ALS2: variants seen among roughly 807,000 people sequenced by gnomAD.
ALS2 encodes the protein alsin.
A neutral mutation model predicts 203.4 loss-of-function variants in ALS2; 117 were observed. The observed-to-expected ratio is 0.58, with a 90% CI of 0.50 to 0.67. The LOEUF (loss-of-function observed/expected upper bound fraction) is 0.67, where lower values mean the gene tolerates loss of function less well. Ranked by LOEUF, ALS2 falls within the 30% of genes least tolerant of loss-of-function variation. The probability of loss-of-function intolerance (pLI) is 0.00; values close to 1 mark genes in which losing one functional copy is unlikely to be tolerated. For missense variants in ALS2, 1,715 were observed against 1,989.4 expected, an observed-to-expected ratio of 0.86 and a Z score of 2.62; for synonymous variants, 718 against 725.9, an observed-to-expected ratio of 0.99 and a Z score of 0.17.
Position 201,749,729 on chromosome 2 carries a change from C to A in ALS2, c.1798G>T (p.Val600Phe). 6.2e-7 allele frequency: 1 copy of A among 1,614,042 alleles called. No individual in the cohort carries two copies. The highest frequency in any genetic ancestry group is 8.5e-7 in the Non-Finnish European group (1 of 1,179,938). The change falls in exon 8 of 34, where the codon GTT becomes TTT. Residue 600 changes from valine to phenylalanine, a missense_variant. Transcript: ENST00000264276. ...QLGHSDFPTT[V>F]PRLAKISSEN... is the part of the protein sequence containing the mutation. Reference sequence around the variant, plus strand: ...AAAAGTACCTTTGCAAGACGAGGAACTGTTGTTGGAAAATCGGAATGCCCA... The same window carrying A: ...AAAAGTACCTTTGCAAGACGAGGAAATGTTGTTGGAAAATCGGAATGCCCA...
In ALS2 at chr2:201,701,087, T is replaced by C. The variant is rs74933581; in HGVS notation, c.*764A>G. 6.5e-6 allele frequency: 1 copy of C among 152,730 alleles called. No individual in the cohort carries two copies. Among genetic ancestry groups the C allele is most frequent in the African/African-American group, 2.4e-5 (1 of 41,552 alleles). The allele number at this position is 152,730 out of a possible 1,614,324, so 9.5% of individuals were successfully genotyped here. On this transcript the variant is annotated 3_prime_UTR_variant, in exon 34 of 34. Transcript: ENST00000264276. Reference sequence around the variant, plus strand: ...AATACAGCGTTTGCACATGGACAAATGAGGTTCCTAGCAGCTCAGAGTCGG... The same window carrying C: ...AATACAGCGTTTGCACATGGACAAACGAGGTTCCTAGCAGCTCAGAGTCGG...
In ALS2 at chr2:201,760,262, A is replaced by C. The variant is rs951423024; in HGVS notation, c.1113+619T>G. On this transcript the variant is annotated intron_variant, in intron 4 of 33. Transcript: ENST00000264276. Reference sequence around the variant, plus strand: ...GGAGATCGAGGCTGCAGTGAGCCACAATCGCATTACTGCACTCCAGCCTGG... The same window carrying C: ...GGAGATCGAGGCTGCAGTGAGCCACCATCGCATTACTGCACTCCAGCCTGG... 1.6e-5 allele frequency: 14 copies of C among 876,728 alleles called. No homozygotes were observed. In the African/African-American group the frequency reaches 2.2e-4, roughly 14 times the overall value. 54.3% of individuals were successfully genotyped at this position (876,728 alleles called of 1,614,324 possible).
intron 8 of ALS2, 70 bp downstream of exon 8, chr2:201,749,642 G>A: frequency 1.5e-6 from 2 of 1,341,434 alleles, no homozygotes; most frequent in Non-Finnish European, 2.1e-6. Context: ...TTTAAAATAA[G>A]AAATGGAGAA....
chr2:201,740,042 TC>T (rs1692165513), intron 11 of ALS2, among the ~76,000 whole-genome samples: 1 of 152,152 alleles, frequency 6.6e-6, no homozygotes, highest in Non-Finnish European at 1.5e-5. Flanking sequence ...AAAATAATTT[TC>T]GCCAGGCACA....
rs754928761 is a variant in ALS2 at position 201,754,688 on chromosome 2, C to T, written c.1472-17G>A. The T allele has an allele frequency of 7.4e-6, 12 of 1,613,870 alleles. No homozygotes were observed. Among genetic ancestry groups the T allele is most frequent in the African/African-American group, 4.0e-5 (3 of 74,914 alleles). On this transcript the variant is annotated splice_polypyrimidine_tract_variant and intron_variant, in intron 5 of 33. Coordinates refer to ENST00000264276, the MANE Select transcript of ALS2 (RefSeq NM_020919.4). ...TGGGGGAAACTGAAAACCAACCAGA[C>T]GTGGGGTGAAGGAGTGGGAGTCCAG...
intron 9 of ALS2, among the ~76,000 whole-genome samples, chr2:201,744,880 CTATA>C (rs1272088984): frequency 1.3e-5 from 2 of 152,084 alleles, no homozygotes; most frequent in Non-Finnish European, 2.9e-5. Flanking sequence ...GATCTCTATG[CTATA>C]TATTAAAATA....
At chr2:201,738,302 A>G (rs747108254) in intron 12 of ALS2, among the ~76,000 whole-genome samples, 5 of 152,156 alleles carry the variant, frequency 3.3e-5, no homozygotes, top group Non-Finnish European at 7.3e-5. Context: ...ATCTGCGCAA[A>G]CACTTTTTTC....
chr2:201,762,153 T>C (rs1014674473), intron 3 of ALS2, among the ~76,000 whole-genome samples: 15 of 152,120 alleles, frequency 9.9e-5, no homozygotes, highest in African/African-American at 3.6e-4. Context: ...ATTCCAAGTG[T>C]TCAAAGGCAA....
At chr2:201,763,914 A>G (rs1416550797) in intron 3 of ALS2, among the ~76,000 whole-genome samples, 2 of 152,024 alleles carry the variant, frequency 1.3e-5, no homozygotes, top group Non-Finnish European at 2.9e-5. Flanking sequence ...ATATGACCAG[A>G]GATTTATGAT....
chr2:201,771,831 G>T (rs552709384), intron 1 of ALS2, among the ~76,000 whole-genome samples: 2 of 152,338 alleles, frequency 1.3e-5, no homozygotes, highest in East Asian at 3.9e-4. Flanking sequence ...AAGAGGGCAA[G>T]ATCCTTGTAC....
intron 7 of ALS2, 91 bp from the exon 8 acceptor site, chr2:201,749,880 C>T (rs1692925187): frequency 1.1e-6 from 1 of 908,550 alleles, no homozygotes; most frequent in Non-Finnish European, 1.8e-6. Context: ...CATATATACA[C>T]AAATACCAAC....
intron 13 of ALS2, 35 bp from the exon 14 acceptor site, chr2:201,729,218 A>G: frequency 3.1e-6 from 5 of 1,602,636 alleles, no homozygotes; most frequent in Non-Finnish European, 4.3e-6. Flanking sequence ...AAAAAAAAAA[A>G]AGAACATAAA....
chr2:201,727,851 G>A, intron 15 of ALS2, 76 bp from the exon 16 acceptor site: 5 of 1,351,716 alleles, frequency 3.7e-6, no homozygotes, highest in Non-Finnish European at 5.2e-6. Context: ...TCCCCTTCAT[G>A]TCATTAACCC....
chr2:201,706,140 C>T (rs970013236), intron 29 of ALS2, among the ~76,000 whole-genome samples: 3 of 151,900 alleles, frequency 2.0e-5, no homozygotes, highest in Non-Finnish European at 2.9e-5. Flanking sequence ...AATCCCAGCA[C>T]GTTGGGAGGC....
intron 3 of ALS2, among the ~76,000 whole-genome samples, chr2:201,766,691 C>T (rs1694101597): frequency 7.7e-6 from 1 of 129,384 alleles, no homozygotes; most frequent in South Asian, 2.5e-4. Flanking sequence ...TGGAACCAAC[C>T]TACATGTCCA....
rs567095261 is a variant in ALS2, at chr2:201,704,053, G to T, written c.4935+69C>A. 4 of 1,378,020 alleles carry T rather than the reference G, an allele frequency of 2.9e-6. No homozygotes were observed. The South Asian group carries it at 3.7e-5, about 13-fold the overall frequency. The allele number at this position is 1,378,020 out of a possible 1,614,324, so 85.4% of individuals were successfully genotyped here. ...TTTTATACAAAAAAAGTGGTTAATG[G>T]CATTTATAATATGGTAAATGAAAGA... On this transcript the variant is annotated intron_variant, in intron 33 of 33. Coordinates refer to ENST00000264276, the MANE Select transcript of ALS2 (RefSeq NM_020919.4).
chr2:201,711,840 C>A (rs1326049046), intron 25 of ALS2, among the ~76,000 whole-genome samples: 2 of 118,126 alleles, frequency 1.7e-5, no homozygotes, highest in South Asian at 3.5e-4. Flanking sequence ...AGAGTTCATT[C>A]ATTTTCACTT....
In ALS2 at chr2:201,707,946, G is replaced by A. The variant is rs894178402; in HGVS notation, c.4326C>T (p.Leu1442=). The A allele has an allele frequency of 1.9e-6, 3 of 1,613,336 alleles. No homozygotes were observed. The highest frequency in any genetic ancestry group is 1.3e-5 in the African/African-American group (1 of 74,884). ...TCCTTTCGGTTGGCAGAGGAGCAGA[G>A]AGAGGAATTGTGCTGCCTTCTTCAG... ...ELPEEGSTIP[L]SAPLPTERKS... Residue 1442 remains leucine (L), a synonymous_variant, in exon 28 of 34, where the codon CTC becomes CTT. Coordinates refer to ENST00000264276, the MANE Select transcript of ALS2 (RefSeq NM_020919.4).
At chr2:201,736,490 A>G (rs1453801019) in intron 12 of ALS2, among the ~76,000 whole-genome samples, 1 of 152,180 alleles carries the variant, frequency 6.6e-6, no homozygotes, top group African/African-American at 2.4e-5. Context: ...ATAGCCTTAA[A>G]TGGCTACATT....
Sources: gnomAD v4.1 joint callset for allele counts (sites outside exome capture counted in the v4.1 genomes callset) on GRCh38, gnomAD v4.1.1 for gene constraint, MANE v1.5 for transcripts, NCBI Gene and HGNC (gene_info 2026-07-23, HGNC 2026-07-21) for gene names.